Variants in DCDC1 observed in about 807,000 individuals in gnomAD.
DCDC1 encodes doublecortin domain-containing protein 1.
A neutral mutation model predicts 178.3 loss-of-function variants in DCDC1; 200 were observed. That is an observed-to-expected ratio of 1.12 (90% confidence interval 1.00 to 1.26). The LOEUF (loss-of-function observed/expected upper bound fraction) is 1.26. Among genes scored for constraint, DCDC1 ranks in the 50% most tolerant of loss-of-function variants. The pLI, the probability that DCDC1 is intolerant of heterozygous loss-of-function variation, is 0.00. For synonymous variants in DCDC1, 690 were observed against 604.8 expected, an observed-to-expected ratio of 1.14 and a Z score of -2.07; for missense variants, 1,983 against 1,749.2, an observed-to-expected ratio of 1.13 and a Z score of -2.38.
chr11:30,919,562 A>G (rs1946095320), intron 25 of DCDC1, among the ~76,000 whole-genome samples: 1 of 152,188 alleles, frequency 6.6e-6, no homozygotes, highest in African/African-American at 2.4e-5. Context: ...ATTCTTTAGA[A>G]GGGGATGTGA....
intron 1 of DCDC1, among the ~76,000 whole-genome samples, chr11:31,369,137 T>G (rs1360047135): frequency 1.3e-5 from 2 of 152,346 alleles, no homozygotes; most frequent in Non-Finnish European, 2.9e-5. Flanking sequence ...ACTAGCTGTT[T>G]GGCCTTGATC....
intron 3 of DCDC1, among the ~76,000 whole-genome samples, chr11:31,326,372 T>TAA (rs139125685): frequency 6.6e-6 from 1 of 151,506 alleles, no homozygotes; most frequent in Non-Finnish European, 1.5e-5. Flanking sequence ...AGCTTTACCA[T>TAA]AAAAAAAATA....
chr11:31,022,643 TTGTGTGTGTG>T lies in DCDC1; in HGVS notation c.2591+41816_2591+41825del, dbSNP rs4067986. Among the ~76,000 whole-genome samples, 375 of 121,046 alleles carry T rather than the reference TTGTGTGTGTG, an allele frequency of 3.1e-3. 1 individual carries two copies. Among genetic ancestry groups the T allele is most frequent in the African/African-American group, 0.011 (326 of 30,440 alleles). 79.4% of individuals were successfully genotyped at this position (121,046 alleles called of 152,430 possible). A position where few individuals can be genotyped will look rare whatever the true frequency, so the allele number is the denominator to read the frequency against. ...TCTTGTTTATCTAGTGTCTTTTAGT[TTGTGTGTGTG>T]TGTGTGTGTGTGTGTGTGTGTGTGT... On this transcript the variant is annotated intron_variant, in intron 20 of 38. Transcript: ENST00000684477.
intron 9 of DCDC1, among the ~76,000 whole-genome samples, chr11:31,138,770 A>G (rs529343409): frequency 2.2e-4 from 34 of 152,298 alleles, no homozygotes; most frequent in African/African-American, 7.9e-4. Flanking sequence ...ACTTACTCCT[A>G]TATTTGGCAT....
chr11:31,235,833 G>T (rs897747358), intron 9 of DCDC1, among the ~76,000 whole-genome samples: 1 of 151,782 alleles, frequency 6.6e-6, no homozygotes, highest in Non-Finnish European at 1.5e-5. Context: ...CTTTGGAGAA[G>T]GTTTAACATT....
At chr11:30,945,885 G>A (rs769942425) in intron 21 of DCDC1, among the ~76,000 whole-genome samples, 1 of 152,064 alleles carries the variant, frequency 6.6e-6, no homozygotes, top group Non-Finnish European at 1.5e-5. Context: ...TCCATTAGGT[G>A]GGTGGGAAGC....
At chr11:31,165,438 A>G (rs1449688467) in intron 9 of DCDC1, among the ~76,000 whole-genome samples, 2 of 151,656 alleles carry the variant, frequency 1.3e-5, no homozygotes, top group African/African-American at 4.8e-5. Context: ...CAGCTTTTTG[A>G]GCAGTTGGGA....
chr11:31,185,598 C>T (rs1969378376), intron 9 of DCDC1, among the ~76,000 whole-genome samples: 1 of 152,134 alleles, frequency 6.6e-6, no homozygotes, highest in Non-Finnish European at 1.5e-5. Context: ...GACTCACTGT[C>T]AGGTGGTCAA....
In DCDC1 at chr11:31,118,577, T is replaced by C. The variant is rs143912285; in HGVS notation, c.1486-8216A>G. ...ATGTAGGAAAGGAATCTCAGCAACT[T>C]GAACATATCAAACACTCCGTGAAAA... On this transcript the variant is annotated intron_variant, in intron 11 of 38. Transcript: ENST00000684477. Among the ~76,000 whole-genome samples the C allele has an allele frequency of 3.5e-3, 526 of 152,194 alleles. 2 individuals are homozygous for C. The highest frequency in any genetic ancestry group is 0.012 in the African/African-American group (492 of 41,522).
intron 20 of DCDC1, among the ~76,000 whole-genome samples, chr11:31,045,673 T>G (rs183490160): frequency 1.3e-5 from 2 of 152,292 alleles, no homozygotes; most frequent in Non-Finnish European, 2.9e-5. Flanking sequence ...TGTTCCTAGT[T>G]TTTTTAACAA....
chr11:30,905,133 G>A lies in DCDC1; in HGVS notation c.4136C>T (p.Thr1379Ile). 6.2e-7 allele frequency: 1 copy of A among 1,609,592 alleles called. No individual in the cohort carries two copies. Among genetic ancestry groups the A allele is most frequent in the Non-Finnish European group, 8.5e-7 (1 of 1,177,398 alleles). ...TAGACGTGCTTGGTAGTAACTTAGA[G>A]TTTTTTCAGCCTTGTCACACGACAA... ...VDLSCDKAEK[T>I]LSYYQARLLS... The change falls in exon 31 of 39, where the codon ACT becomes ATT. Residue 1379 changes from threonine (T) to isoleucine (I), a missense_variant. Thr to Ile is a moderately conservative substitution (Grantham distance 89). Coordinates refer to ENST00000684477, the MANE Select transcript of DCDC1 (RefSeq NM_001387274.1).
chr11:31,299,950 C>T lies in DCDC1; in HGVS notation c.754+5665G>A, dbSNP rs138091469. Among the ~76,000 whole-genome samples the T allele has an allele frequency of 3.2e-3, 494 of 152,206 alleles. 6 individuals are homozygous for T. The highest frequency in any genetic ancestry group is 0.011 in the African/African-American group (470 of 41,526). ...TCGGCTCACTGCAACCTCTGCCTCA[C>T]GGGTTCAAGCAATTCTCCTGCCTCA... On this transcript the variant is annotated intron_variant, in intron 6 of 38. Transcript: ENST00000684477.
At chr11:31,016,167 C>T (rs771312675) in intron 20 of DCDC1, among the ~76,000 whole-genome samples, 2 of 151,918 alleles carry the variant, frequency 1.3e-5, no homozygotes, top group Non-Finnish European at 1.5e-5. Flanking sequence ...TAATACTTCC[C>T]GTAAGAGGTA....
In DCDC1 at chr11:31,250,284, T is replaced by C. The variant is rs532798421; in HGVS notation, c.1055-8668A>G. ...TAAAAGTCAAAGAGAATTATATTAC[T>C]TAGTATCCAAAACAAGGCAAAAAAA... On this transcript the variant is annotated intron_variant, in intron 8 of 38. Transcript: ENST00000684477. Among the ~76,000 whole-genome samples, 3 of 139,172 alleles carry C rather than the reference T, an allele frequency of 2.2e-5. No homozygotes were observed. In the East Asian group the frequency reaches 8.3e-4, roughly 39 times the overall value. 91.3% of individuals were successfully genotyped at this position (139,172 alleles called of 152,430 possible). A position where few individuals can be genotyped will look rare whatever the true frequency, so the allele number is the denominator to read the frequency against.
chr11:31,094,377 C>T (rs1036468259), intron 15 of DCDC1, among the ~76,000 whole-genome samples, 193 bp from the exon 16 acceptor site: 1 of 152,004 alleles, frequency 6.6e-6, no homozygotes, highest in South Asian at 2.1e-4. Flanking sequence ...TATGCAAGAC[C>T]CTATGCTGTG....
intron 27 of DCDC1, among the ~76,000 whole-genome samples, chr11:30,911,741 C>A (rs1945463320): frequency 6.6e-6 from 1 of 152,094 alleles, no homozygotes; most frequent in Admixed American, 6.5e-5. Context: ...CCTTCATAGC[C>A]CGGGCTTGCC....
At chr11:31,007,673 T>A (rs138040020) in intron 20 of DCDC1, among the ~76,000 whole-genome samples, 1 of 150,618 alleles carries the variant, frequency 6.6e-6, no homozygotes, top group African/African-American at 2.4e-5. Context: ...TTTTTTTTTC[T>A]TTTTTTTTGA....
At chr11:30,914,249 G>A (rs911885465) in intron 27 of DCDC1, among the ~76,000 whole-genome samples, 1 of 152,204 alleles carries the variant, frequency 6.6e-6, no homozygotes, top group Non-Finnish European at 1.5e-5. Context: ...TGGTTTTCCC[G>A]TCTTTTCTAA....
At chr11:31,141,672 T>C (rs989507264) in intron 9 of DCDC1, among the ~76,000 whole-genome samples, 9 of 152,190 alleles carry the variant, frequency 5.9e-5, no homozygotes, top group African/African-American at 2.2e-4. Context: ...TTCATATATA[T>C]TGACAAGTTT....
Sources: gnomAD v4.1 joint callset for allele counts (sites outside exome capture counted in the v4.1 genomes callset) on GRCh38, gnomAD v4.1.1 for gene constraint, MANE v1.5 for transcripts, NCBI Gene and HGNC (gene_info 2026-07-23, HGNC 2026-07-21) for gene names.